COBLL1: variants seen among roughly 807,000 people sequenced by gnomAD.
COBLL1 encodes the protein cordon-bleu WH2 repeat protein like 1.
A neutral mutation model predicts 94.8 loss-of-function variants in COBLL1; 50 were observed. That is an observed-to-expected ratio of 0.53 (90% CI 0.42 to 0.67). The LOEUF (loss-of-function observed/expected upper bound fraction) is 0.67, where lower values mean the gene tolerates loss of function less well. Ranked by LOEUF, COBLL1 falls within the 30% of genes least tolerant of loss-of-function variation. The pLI is 0.00. For synonymous variants in COBLL1, 448 were observed against 473.8 expected, an observed-to-expected ratio of 0.95 and a Z score of 0.71; for missense variants, 1,362 against 1,348.7, an observed-to-expected ratio of 1.01 and a Z score of -0.15.
chr2:164,755,839 C>CT (rs1324966943), intron 2 of COBLL1, among the ~76,000 whole-genome samples: 3 of 152,186 alleles, frequency 2.0e-5, no homozygotes, highest in African/African-American at 7.2e-5. Flanking sequence ...TCCTGCCATA[C>CT]TTTTCATGTA....
chr2:164,744,737 C>T (rs1686781280), intron 2 of COBLL1, among the ~76,000 whole-genome samples: 4 of 152,100 alleles, frequency 2.6e-5, no homozygotes, highest in Admixed American at 2.6e-4. Context: ...CTGTACCTAG[C>T]AATGAACTAT....
At chr2:164,677,379 AG>A (rs1347855065), downstream of COBLL1, among the ~76,000 whole-genome samples, 1 of 152,110 alleles carries the variant, frequency 6.6e-6, no homozygotes, top group Non-Finnish European at 1.5e-5. Context: ...GTTGAGTTTT[AG>A]GTTGTACCAG....
intron 13 of COBLL1, among the ~76,000 whole-genome samples, chr2:164,690,858 T>C (rs1439456400): frequency 6.6e-6 from 1 of 152,126 alleles, no homozygotes; most frequent in African/African-American, 2.4e-5. Context: ...TTGAAACTCA[T>C]CCTTAATTTA....
intron 3 of COBLL1, among the ~76,000 whole-genome samples, chr2:164,731,871 C>T (rs1686033627): frequency 6.6e-6 from 1 of 152,212 alleles, no homozygotes; most frequent in African/African-American, 2.4e-5. Context: ...CCCTAGTAAG[C>T]TCCCAGGCCT....
intron 11 of COBLL1, 129 bp from the exon 12 acceptor site, chr2:164,695,965 T>C (rs963941724): frequency 9.8e-6 from 7 of 715,296 alleles, no homozygotes; most frequent in Admixed American, 6.3e-5. Context: ...TCACTGACTA[T>C]ATAAAGGTAG....
intron 2 of COBLL1, among the ~76,000 whole-genome samples, chr2:164,831,850 ATT>A (rs1683093749): frequency 6.6e-6 from 1 of 152,232 alleles, no homozygotes; most frequent in South Asian, 2.1e-4. Context: ...GGACACTTCC[ATT>A]TTGTGTGTAA....
At chr2:164,713,016 T>C (rs1048288261) in intron 7 of COBLL1, among the ~76,000 whole-genome samples, 1 of 152,150 alleles carries the variant, frequency 6.6e-6, no homozygotes, top group Non-Finnish European at 1.5e-5. Flanking sequence ...CTTTGTTATA[T>C]TATTGTGATT....
At chr2:164,733,863 C>T (rs1398532480) in intron 3 of COBLL1, among the ~76,000 whole-genome samples, 1 of 121,072 alleles carries the variant, frequency 8.3e-6, no homozygotes, top group East Asian at 2.1e-4. Flanking sequence ...AGTGGACTCC[C>T]AAACCAAATT....
chr2:164,736,763 G>GA (rs1413284440), intron 3 of COBLL1, among the ~76,000 whole-genome samples: 1 of 151,984 alleles, frequency 6.6e-6, no homozygotes, highest in African/African-American at 2.4e-5. Context: ...ATCATTAACT[G>GA]AAAAAAAGCA....
chr2:164,683,095 G>C lies in COBLL1; in HGVS notation c.*2851C>G, dbSNP rs1447194337. 2 of 151,602 alleles carry C rather than the reference G, an allele frequency of 1.3e-5. No individual in the cohort carries two copies. The highest frequency in any genetic ancestry group is 2.9e-5 in the Non-Finnish European group (2 of 67,934). 9.4% of individuals were successfully genotyped at this position (151,602 alleles called of 1,614,324 possible). On this transcript the variant is annotated 3_prime_UTR_variant, in exon 14 of 14. Transcript: ENST00000652658. Reference sequence around the variant, plus strand: ...CTTCATATAAATACATCTATATAGGGCTTCATATCAAAATATTAACAGCTA... The same window carrying C: ...CTTCATATAAATACATCTATATAGGCCTTCATATCAAAATATTAACAGCTA...
intron 2 of COBLL1, among the ~76,000 whole-genome samples, chr2:164,807,441 TA>T (rs776098197): frequency 0.012 from 1,636 of 139,160 alleles, 5 homozygotes; most frequent in Middle Eastern, 0.015. Flanking sequence ...TCGTCTCAAT[TA>T]AAAAAAAAAA....
chr2:164,725,319 C>G (rs1416356864), intron 5 of COBLL1, among the ~76,000 whole-genome samples: 1 of 151,968 alleles, frequency 6.6e-6, no homozygotes, highest in Non-Finnish European at 1.5e-5. Context: ...ATGGAATACA[C>G]CGCTTATCGC....
At chr2:164,721,469 TA>T (rs1463062100) in intron 7 of COBLL1, among the ~76,000 whole-genome samples, 3 of 152,150 alleles carry the variant, frequency 2.0e-5, no homozygotes, top group Non-Finnish European at 4.4e-5. Flanking sequence ...TAAAGGTGTG[TA>T]ATAGTAAGAA....
intron 2 of COBLL1, among the ~76,000 whole-genome samples, chr2:164,803,634 T>C (rs1683939695): frequency 6.6e-6 from 1 of 151,752 alleles, no homozygotes; most frequent in South Asian, 2.1e-4. Flanking sequence ...AAAACTAGCA[T>C]TGCTTATAAT....
chr2:164,709,576 G>C (rs1413066413), intron 7 of COBLL1, among the ~76,000 whole-genome samples: 1 of 152,060 alleles, frequency 6.6e-6, no homozygotes, highest in Non-Finnish European at 1.5e-5. Context: ...AAATTAGCCG[G>C]GTATGGTGGT....
intron 2 of COBLL1, among the ~76,000 whole-genome samples, chr2:164,664,435 T>C (rs1456433529): frequency 6.6e-6 from 1 of 152,256 alleles, no homozygotes; most frequent in Non-Finnish European, 1.5e-5. Flanking sequence ...CAATATTATA[T>C]TTCTTACATT....
intron 7 of COBLL1, among the ~76,000 whole-genome samples, chr2:164,717,805 TC>T (rs1187425757): frequency 6.6e-6 from 1 of 152,148 alleles, no homozygotes. Context: ...TTTTAAGTGA[TC>T]CTCCTACCTC....
chr2:164,727,970 T>A lies in COBLL1; in HGVS notation c.660A>T (p.Arg220Ser). 6.3e-7 allele frequency: 1 copy of A among 1,583,188 alleles called. No individual in the cohort carries two copies. Among genetic ancestry groups the A allele is most frequent in the Non-Finnish European group, 8.7e-7 (1 of 1,152,410 alleles). The change falls in exon 5 of 14, where the codon AGA becomes AGT. Residue 220 changes from arginine (R) to serine (S), a missense_variant and splice_region_variant. Coordinates refer to ENST00000652658, the MANE Select transcript of COBLL1 (RefSeq NM_001365672.2). Reference protein sequence around the residue: ...LRELYAMDVNRESCQISQNLD... With the variant: ...LRELYAMDVNSESCQISQNLD... Reference sequence around the variant, plus strand: ...AAATAAAATAAAAGTCTTACTTACCTCTGTTGACATCCATCGCATATAATT... The same window carrying A: ...AAATAAAATAAAAGTCTTACTTACCACTGTTGACATCCATCGCATATAATT...
intron 4 of COBLL1, among the ~76,000 whole-genome samples, chr2:164,729,095 A>T (rs1685856032): frequency 6.6e-6 from 1 of 151,872 alleles, no homozygotes; most frequent in Non-Finnish European, 1.5e-5. Flanking sequence ...GACAGAAGGC[A>T]GTCCAATATC....
Sources: allele counts gnomAD v4.1 joint callset (sites outside exome capture counted in the v4.1 genomes callset), GRCh38; gene constraint gnomAD v4.1.1; transcripts MANE v1.5; gene names NCBI Gene and HGNC (gene_info 2026-07-23, HGNC 2026-07-21).